The following DYNC1LI1 variants were observed in gnomAD, a reference collection of about 807,000 sequenced individuals.
DYNC1LI1 encodes the protein cytoplasmic dynein 1 light intermediate chain 1.
Under a neutral mutation model 63.8 loss-of-function variants are expected in DYNC1LI1, and 19 were observed. The observed-to-expected ratio is 0.30, with a 90% CI of 0.21 to 0.44. DYNC1LI1 has a LOEUF of 0.44. DYNC1LI1 is among the 20% of genes least tolerant of loss of function. The pLI is 1.00. For synonymous variants in DYNC1LI1, 225 were observed against 232.3 expected (o/e 0.97, Z 0.28); for missense variants, 565 against 630.2 (o/e 0.90, Z 1.11).
chr3:32,561,121 G>A (rs141103745), intron 2 of DYNC1LI1, among the ~76,000 whole-genome samples: 5 of 151,280 alleles, frequency 3.3e-5, no homozygotes, highest in African/African-American at 1.2e-4. Flanking sequence ...TAAGCACAGT[G>A]GTTGATTACA....
At chr3:32,539,244 TTTAAC>T (rs1410158761) in intron 5 of DYNC1LI1, among the ~76,000 whole-genome samples, 4 of 152,166 alleles carry the variant, frequency 2.6e-5, no homozygotes, top group African/African-American at 4.8e-5. Context: ...GATGGCAGAC[TTTAAC>T]TTAATTATTT....
At chr3:32,561,001 TCAAAAAAAAAAAAAAAA>T (rs1698182625) in intron 2 of DYNC1LI1, among the ~76,000 whole-genome samples, 2 of 11,658 alleles carry the variant, frequency 1.7e-4, no homozygotes, top group Non-Finnish European at 1.6e-4. Context: ...AAACTCCGTC[TCAAAAAAAAAAAAAAAA>T]AAAAAAAAAA....
chr3:32,570,241 C>T, intron 2 of DYNC1LI1, 105 bp downstream of exon 2: 2 of 941,568 alleles, frequency 2.1e-6, no homozygotes, highest in South Asian at 1.4e-5. Flanking sequence ...CGGGGCGGGG[C>T]TGGGCCGGCT....
intron 11 of DYNC1LI1, 108 bp from the exon 12 acceptor site, chr3:32,528,709 A>G (rs1266428109): frequency 9.0e-7 from 1 of 1,106,502 alleles, no homozygotes; most frequent in Non-Finnish European, 1.2e-6. Flanking sequence ...AAATTTTAAG[A>G]GTTTTATATT....
chr3:32,534,166 G>A (rs919973249), intron 7 of DYNC1LI1, among the ~76,000 whole-genome samples: 15 of 152,110 alleles, frequency 9.9e-5, no homozygotes, highest in South Asian at 4.1e-4. Flanking sequence ...GTGAGCCACC[G>A]TGCTCAGCCA....
At chr3:32,549,443 TA>T (rs1698002697) in intron 2 of DYNC1LI1, among the ~76,000 whole-genome samples, 1 of 152,040 alleles carries the variant, frequency 6.6e-6, no homozygotes, top group South Asian at 2.1e-4. Context: ...TTAAGGTTTT[TA>T]TTCTTATGAC....
At chr3:32,529,354 A>G (rs567068136) in intron 11 of DYNC1LI1, among the ~76,000 whole-genome samples, 186 bp downstream of exon 11, 1 of 152,362 alleles carries the variant, frequency 6.6e-6, no homozygotes, top group South Asian at 2.1e-4. Flanking sequence ...GGAAATGATG[A>G]TACATCACAA....
chr3:32,551,516 G>A (rs1445468587), intron 2 of DYNC1LI1, among the ~76,000 whole-genome samples: 1 of 152,172 alleles, frequency 6.6e-6, no homozygotes, highest in Non-Finnish European at 1.5e-5. Flanking sequence ...AGGAACCACT[G>A]GCACAGTTTA....
chr3:32,570,762 GGCC>G lies in DYNC1LI1; in HGVS notation c.6_8del (p.Ala3del). The G allele has an allele frequency of 6.2e-7, 1 of 1,601,032 alleles. No homozygotes were observed. Among genetic ancestry groups the G allele is most frequent in the Non-Finnish European group, 8.5e-7 (1 of 1,173,794 alleles). ...AACCGAAGGAGCCGACTCGCCCCAC[GGCC>G]GCCATCTTGGTCGGGAATCACACCA... On this transcript the variant is annotated inframe_deletion, in exon 1 of 13. Transcript: ENST00000273130.
At chr3:32,552,991 G>A (rs907345378) in intron 2 of DYNC1LI1, among the ~76,000 whole-genome samples, 28 of 152,160 alleles carry the variant, frequency 1.8e-4, no homozygotes, top group South Asian at 4.1e-4. Context: ...CACCACACCC[G>A]GCCTAAAATG....
chr3:32,529,650 G>A lies in DYNC1LI1; in HGVS notation c.1196C>T (p.Pro399Leu). Reference sequence around the variant, plus strand: ...TCGTGGGGAGCCTCCTGGGACTCTTGGTGAGGCATCCTATGTAAAAATAGG... The same window carrying A: ...TCGTGGGGAGCCTCCTGGGACTCTTAGTGAGGCATCCTATGTAAAAATAGG... Reference protein sequence around the residue: ...TAAGRPVDASPRVPGGSPRTP... With the variant: ...TAAGRPVDASLRVPGGSPRTP... The change falls in exon 11 of 13, where the codon CCA becomes CTA. Residue 399 changes from proline (P) to leucine (L), a missense_variant. Physicochemically the swap from Pro to Leu is moderately conservative, Grantham distance 98. Transcript: ENST00000273130. 6.3e-7 allele frequency: 1 copy of A among 1,599,446 alleles called. No homozygotes were observed. Among genetic ancestry groups the A allele is most frequent in the Non-Finnish European group, 8.5e-7 (1 of 1,173,226 alleles).
intron 3 of DYNC1LI1, 38 bp from the exon 4 acceptor site, chr3:32,545,144 T>G: frequency 7.2e-7 from 1 of 1,384,118 alleles, no homozygotes; most frequent in Non-Finnish European, 1.0e-6. Flanking sequence ...GGCAACAAGA[T>G]TAAGTCATTT....
chr3:32,552,020 A>G (rs1698049909), intron 2 of DYNC1LI1, among the ~76,000 whole-genome samples: 1 of 152,176 alleles, frequency 6.6e-6, no homozygotes, highest in Non-Finnish European at 1.5e-5. Context: ...ATGTCCCATG[A>G]ATACCTCACA....
intron 2 of DYNC1LI1, among the ~76,000 whole-genome samples, chr3:32,553,658 G>A (rs1043860130): frequency 2.0e-5 from 3 of 152,180 alleles, no homozygotes; most frequent in Non-Finnish European, 4.4e-5. Context: ...GAAGCAGCAA[G>A]CAGCATACAG....
At chr3:32,557,384 G>A (rs1698128773) in intron 2 of DYNC1LI1, among the ~76,000 whole-genome samples, 1 of 151,946 alleles carries the variant, frequency 6.6e-6, no homozygotes, top group Non-Finnish European at 1.5e-5. Flanking sequence ...AGCCAGGCAT[G>A]GTGGCGGGCA....
At chr3:32,536,180 G>A (rs939828473) in intron 6 of DYNC1LI1, among the ~76,000 whole-genome samples, 24 of 152,068 alleles carry the variant, frequency 1.6e-4, no homozygotes, top group Admixed American at 1.2e-3. Flanking sequence ...TAAATTAAAC[G>A]CCCACTAATG....
chr3:32,541,624 C>T (rs1697883456), intron 4 of DYNC1LI1, among the ~76,000 whole-genome samples: 1 of 152,156 alleles, frequency 6.6e-6, no homozygotes, highest in Non-Finnish European at 1.5e-5. Flanking sequence ...TTTCACTAAA[C>T]CCTTTACTCA....
chr3:32,537,890 TTATATATATAATA>T (rs1697797095), intron 5 of DYNC1LI1, among the ~76,000 whole-genome samples: 1 of 83,346 alleles, frequency 1.2e-5, no homozygotes, highest in Non-Finnish European at 2.1e-5. Flanking sequence ...TATATATAAT[TTATATATATAATA>T]TATATATATA....
At chr3:32,543,507 C>A (rs1158703903) in intron 4 of DYNC1LI1, among the ~76,000 whole-genome samples, 1 of 149,388 alleles carries the variant, frequency 6.7e-6, no homozygotes, top group East Asian at 2.0e-4. Context: ...TCAAGCAATT[C>A]CCTGCCTCAG....
Sources: allele counts gnomAD v4.1 joint callset (sites outside exome capture counted in the v4.1 genomes callset), GRCh38; gene constraint gnomAD v4.1.1; transcripts MANE v1.5; gene names NCBI Gene and HGNC (gene_info 2026-07-23, HGNC 2026-07-21).